ZNF429: variants seen among roughly 807,000 people sequenced by gnomAD.
ZNF429 encodes zinc finger protein 429.
A neutral mutation model predicts 56.8 loss-of-function variants in ZNF429; 53 were observed. The observed-to-expected ratio is 0.93, with a 90% confidence interval of 0.75 to 1.17. ZNF429 has a LOEUF of 1.17. Ranked by LOEUF, ZNF429 falls within the 50% of genes most tolerant of loss-of-function variation. The pLI is 0.00. For missense variants in ZNF429, 849 were observed against 788.4 expected (o/e 1.08, Z -0.92); for synonymous variants, 278 against 264.7 (o/e 1.05, Z -0.49).
chr19:21,511,056 C>T (rs988406085), intron 1 of ZNF429, among the ~76,000 whole-genome samples: 4 of 152,226 alleles, frequency 2.6e-5, no homozygotes, highest in African/African-American at 9.6e-5. Context: ...TCCACAAAAC[C>T]GCCATTGTCA....
In ZNF429 at chr19:21,537,404, A is replaced by C; in HGVS notation, c.1351A>C (p.Lys451Gln). Reference sequence around the variant, plus strand: ...ACATAAGAGAATTCATACTGAAGAGAAACCCTATAAATGTAACGAATGTGG... The same window carrying C: ...ACATAAGAGAATTCATACTGAAGAGCAACCCTATAAATGTAACGAATGTGG... ...TRHKRIHTEEKPYKCNECGKA... is the reference protein window; with the variant it reads ...TRHKRIHTEEQPYKCNECGKA... Residue 451 changes from lysine to glutamine, a missense_variant, in exon 4 of 4, where the codon AAA (lysine) becomes CAA (glutamine). By Grantham distance (53) the Lys-to-Gln change is moderately conservative. Transcript: ENST00000358491. The C allele has an allele frequency of 1.2e-6, 2 of 1,613,586 alleles. No homozygotes were observed. Among genetic ancestry groups the C allele is most frequent in the Non-Finnish European group, 1.7e-6 (2 of 1,179,778 alleles).
chr19:21,530,391 T>TA, intron 2 of ZNF429, among the ~76,000 whole-genome samples, 198 bp from the exon 3 acceptor site: 1 of 152,158 alleles, frequency 6.6e-6, no homozygotes, highest in Non-Finnish European at 1.5e-5. Flanking sequence ...GATTTTTTAT[T>TA]AAGTAGTACT....
chr19:21,524,460 G>A (rs192386990), intron 1 of ZNF429, among the ~76,000 whole-genome samples: 165 of 152,130 alleles, frequency 1.1e-3, no homozygotes, highest in Middle Eastern at 3.4e-3. Flanking sequence ...CCTAGGAGGC[G>A]GAGGTTACAG....
At chr19:21,505,859 C>G in intron 1 of ZNF429, 85 bp downstream of exon 1, 2 of 1,478,636 alleles carry the variant, frequency 1.4e-6, no homozygotes, top group South Asian at 2.3e-5. Flanking sequence ...CTTAGGTCTC[C>G]CGGCAGTCAG....
Position 21,537,164 on chromosome 19 carries a change from T to C in ZNF429, c.1111T>C (p.Cys371Arg), listed in dbSNP as rs758849988. 1 of 1,613,928 alleles carries C rather than the reference T, an allele frequency of 6.2e-7. No individual in the cohort carries two copies. Among genetic ancestry groups the C allele is most frequent in the South Asian group, 1.1e-5 (1 of 91,074 alleles). ...VIHTGEKPYK[C>R]EECGKAFNQS... ...TCATACTGGAGAGAAGCCCTACAAA[T>C]GTGAAGAATGTGGCAAAGCTTTTAA... The change falls in exon 4 of 4, where the codon TGT (cysteine) becomes CGT (arginine). Residue 371 changes from cysteine (C) to arginine (R), a missense_variant. Cys to Arg is a radical substitution (Grantham distance 180). Transcript: ENST00000358491.
At chr19:21,514,504 A>G (rs1282851609) in intron 1 of ZNF429, among the ~76,000 whole-genome samples, 3 of 151,978 alleles carry the variant, frequency 2.0e-5, no homozygotes, top group South Asian at 2.1e-4. Flanking sequence ...TGCAAAGGAC[A>G]TGATCTTGTT....
In ZNF429 at chr19:21,536,289, C is replaced by T. The variant is rs1346511776; in HGVS notation, c.236C>T (p.Ser79Phe). ...EMVDEPPVVC[S>F]HFAEDFWPEQ... Reference sequence around the variant, plus strand: ...TTTAATTTTATTTTAGTTGTGTGTTCTCATTTTGCTGAAGACTTTTGGCCA... The same window carrying T: ...TTTAATTTTATTTTAGTTGTGTGTTTTCATTTTGCTGAAGACTTTTGGCCA... Residue 79 changes from serine to phenylalanine, a missense_variant, in exon 4 of 4, where the codon TCT becomes TTT. By Grantham distance (155) the Ser-to-Phe change is radical. Coordinates refer to ENST00000358491, the MANE Select transcript of ZNF429 (RefSeq NM_001001415.4). 3 of 1,568,880 alleles carry T rather than the reference C, an allele frequency of 1.9e-6. No homozygotes were observed. Among genetic ancestry groups the T allele is most frequent in the Non-Finnish European group, 2.6e-6 (3 of 1,161,434 alleles).
intron 1 of ZNF429, 58 bp downstream of exon 1, chr19:21,505,832 G>A: frequency 6.3e-7 from 1 of 1,592,992 alleles, no homozygotes; most frequent in Admixed American, 1.7e-5. Context: ...GGAACCGTGA[G>A]AAGTGGCCGT....
intron 1 of ZNF429, among the ~76,000 whole-genome samples, chr19:21,511,303 G>T (rs906808361): frequency 2.6e-5 from 4 of 151,758 alleles, no homozygotes; most frequent in Admixed American, 2.0e-4. Context: ...GGGCGGAGAC[G>T]CTCCTCACTG....
At chr19:21,528,186 G>A (rs1260097511) in intron 1 of ZNF429, among the ~76,000 whole-genome samples, 1 of 152,132 alleles carries the variant, frequency 6.6e-6, no homozygotes, top group Admixed American at 6.6e-5. Context: ...GATACTCAAG[G>A]TTTCTATTAG....
At chr19:21,535,394 T>C in intron 3 of ZNF429, among the ~76,000 whole-genome samples, 1 of 50,262 alleles carries the variant, frequency 2.0e-5, no homozygotes, top group East Asian at 4.3e-4. Flanking sequence ...ACTTTCTTTC[T>C]TTCTTTCTTT....
chr19:21,513,483 G>C (rs2032597950), intron 1 of ZNF429, among the ~76,000 whole-genome samples: 1 of 152,172 alleles, frequency 6.6e-6, no homozygotes, highest in Admixed American at 6.5e-5. Context: ...CATGGGGTTT[G>C]TGACTGGCAT....
Position 21,516,249 on chromosome 19 carries a change from A to C in ZNF429, c.3+10475A>C, listed in dbSNP as rs977701494. Among the ~76,000 whole-genome samples, 8 of 151,460 alleles carry C rather than the reference A, an allele frequency of 5.3e-5. No homozygotes were observed. The East Asian group carries it at 1.6e-3, about 30-fold the overall frequency. On this transcript the variant is annotated intron_variant, in intron 1 of 3. Transcript: ENST00000358491. ...ATGCTCTGCTATCATCATCATTATT[A>C]TTATTATTATTGTATTTTTAGTAGG... is the stretch of plus-strand genomic sequence containing the variant.
intron 1 of ZNF429, 67 bp downstream of exon 1, chr19:21,505,841 G>A (rs1289824117): frequency 1.3e-6 from 2 of 1,570,840 alleles, no homozygotes; most frequent in East Asian, 2.3e-5. Flanking sequence ...AGAAGTGGCC[G>A]TGGCGGACTT....
Position 21,539,122 on chromosome 19 carries a change from G to T in ZNF429, c.*1044G>T, listed in dbSNP as rs901280066. ...AGAGTTTATATTAACATATATTTTTGCATATGGCCATATGTATAAAAATAT... is the reference window on the plus strand; with the variant it reads ...AGAGTTTATATTAACATATATTTTTTCATATGGCCATATGTATAAAAATAT... On this transcript the variant is annotated 3_prime_UTR_variant, in exon 4 of 4. Transcript: ENST00000358491. Among the ~76,000 whole-genome samples the T allele has an allele frequency of 6.6e-6, 1 of 151,664 alleles. No individual in the cohort carries two copies. The highest frequency in any genetic ancestry group is 6.6e-5 in the Admixed American group (1 of 15,236).
At position 21,508,449 on chromosome 19, in the gene ZNF429, A is replaced by T. The variant is rs535644333; in HGVS notation, c.3+2675A>T. ...CTCAAGTGATTGAACTTGACACATG[A>T]GTCGGACACATCTGTTTTCTTATCA... On this transcript the variant is annotated intron_variant, in intron 1 of 3. Transcript: ENST00000358491. Among the ~76,000 whole-genome samples the T allele has an allele frequency of 9.2e-5, 14 of 152,256 alleles. No individual in the cohort carries two copies. In the South Asian group the frequency reaches 1.5e-3, roughly 16 times the overall value.
At chr19:21,536,243 G>C in intron 3 of ZNF429, 37 bp from the exon 4 acceptor site, 1 of 1,526,008 alleles carries the variant, frequency 6.6e-7, no homozygotes, top group South Asian at 1.3e-5. Flanking sequence ...TCTGAGTCTA[G>C]TAAGTGAAGT....
At position 21,536,750 on chromosome 19, in the gene ZNF429, G is replaced by A; in HGVS notation, c.697G>A (p.Glu233Lys). 1 of 1,614,054 alleles carries A rather than the reference G, an allele frequency of 6.2e-7. No homozygotes were observed. Among genetic ancestry groups the A allele is most frequent in the Non-Finnish European group, 8.5e-7 (1 of 1,180,018 alleles). Residue 233 changes from glutamate (E) to lysine (K), a missense_variant, in exon 4 of 4, where the codon GAA becomes AAA. Transcript: ENST00000358491. ...YVGEKHYRCEECGKAFNHYST... is the reference protein window; with the variant it reads ...YVGEKHYRCEKCGKAFNHYST... The stretch of plus-strand genomic sequence containing the variant: ...TGGTGAGAAACACTACAGATGTGAA[G>A]AATGTGGCAAAGCATTTAACCACTA...
At chr19:21,523,455 T>A (rs2033055143) in intron 1 of ZNF429, among the ~76,000 whole-genome samples, 1 of 152,362 alleles carries the variant, frequency 6.6e-6, no homozygotes, top group Non-Finnish European at 1.5e-5. Context: ...TCTCTCCTCT[T>A]TGAACCATAT....
Sources: gnomAD v4.1 joint callset for allele counts (sites outside exome capture counted in the v4.1 genomes callset) on GRCh38, gnomAD v4.1.1 for gene constraint, MANE v1.5 for transcripts, NCBI Gene and HGNC (gene_info 2026-07-23, HGNC 2026-07-21) for gene names.